The following RPS6KC1 variants were observed in gnomAD, a reference collection of about 807,000 sequenced individuals.
RPS6KC1 encodes the protein inactive ribosomal protein S6 kinase delta-1.
Under a neutral mutation model 103.8 loss-of-function variants are expected in RPS6KC1, and 54 were observed. The observed-to-expected ratio is 0.52, with a 90% confidence interval of 0.42 to 0.65. The LOEUF (loss-of-function observed/expected upper bound fraction) is 0.65, where lower values mean the gene tolerates loss of function less well. RPS6KC1 is among the 30% of genes least tolerant of loss of function. The probability of loss-of-function intolerance (pLI) is 0.00; values close to 1 mark genes in which losing one functional copy is unlikely to be tolerated. For missense variants in RPS6KC1, 1,151 were observed against 1,253.8 expected (o/e 0.92, Z 1.24); for synonymous variants, 439 against 438.7 (o/e 1.00, Z -0.01).
the RPS6KC1 span, among the ~76,000 whole-genome samples, chr1:213,383,698 T>C: frequency 6.6e-6 from 1 of 152,074 alleles, no homozygotes; most frequent in African/African-American, 2.4e-5. Context: ...ATGGTATTAG[T>C]GTCCCTATAA....
the RPS6KC1 span, among the ~76,000 whole-genome samples, chr1:213,834,687 C>T: frequency 6.6e-6 from 1 of 150,490 alleles, no homozygotes; most frequent in South Asian, 2.1e-4. Context: ...TAGAGCCCTT[C>T]TCAAACACAC....
chr1:213,604,252 T>A, the RPS6KC1 span, among the ~76,000 whole-genome samples: 11 of 152,248 alleles, frequency 7.2e-5, no homozygotes, highest in Non-Finnish European at 1.5e-5. Flanking sequence ...TTTTACAAAT[T>A]AGGTTGCAAC....
At chr1:213,523,848 C>T in the RPS6KC1 span, among the ~76,000 whole-genome samples, 12 of 152,126 alleles carry the variant, frequency 7.9e-5, no homozygotes, top group African/African-American at 2.9e-4. Context: ...GATGAAAGGG[C>T]CTTGGTTGGA....
At chr1:213,101,259 G>T (rs376093073) in intron 3 of RPS6KC1, among the ~76,000 whole-genome samples, 4 of 152,080 alleles carry the variant, frequency 2.6e-5, no homozygotes, top group East Asian at 1.9e-4. Flanking sequence ...CATGTCCTTT[G>T]CCCACTTAAT....
chr1:213,081,856 T>C (rs1206091772), intron 3 of RPS6KC1, among the ~76,000 whole-genome samples: 1 of 152,024 alleles, frequency 6.6e-6, no homozygotes, highest in African/African-American at 2.4e-5. Context: ...CAGTTGAACT[T>C]TGAGATGACT....
intron 6 of RPS6KC1, among the ~76,000 whole-genome samples, chr1:213,158,885 T>C (rs61834123): frequency 0.034 from 5,120 of 152,236 alleles, 116 homozygotes; most frequent in Middle Eastern, 0.054. Flanking sequence ...CATAGAACTT[T>C]AGAGATTACT....
the RPS6KC1 span, among the ~76,000 whole-genome samples, chr1:213,541,439 T>C: frequency 6.6e-6 from 1 of 151,948 alleles, no homozygotes; most frequent in Non-Finnish European, 1.5e-5. Flanking sequence ...ACTTGCCCAA[T>C]GCAGGGTTGC....
chr1:213,791,456 C>T, the RPS6KC1 span, among the ~76,000 whole-genome samples: 1 of 152,032 alleles, frequency 6.6e-6, no homozygotes, highest in Non-Finnish European at 1.5e-5. Flanking sequence ...TTGTTAATAC[C>T]TGTGCTAGGT....
the RPS6KC1 span, among the ~76,000 whole-genome samples, chr1:213,326,687 C>T: frequency 1.4e-4 from 21 of 152,310 alleles, no homozygotes; most frequent in South Asian, 1.2e-3. Flanking sequence ...GGCTCGGATT[C>T]ATTAGAATCA....
At chr1:213,523,447 G>C in the RPS6KC1 span, among the ~76,000 whole-genome samples, 1 of 152,186 alleles carries the variant, frequency 6.6e-6, no homozygotes, top group Non-Finnish European at 1.5e-5. Flanking sequence ...GGTTGCCACA[G>C]ACCTTCACTT....
At chr1:213,168,094 A>T in intron 7 of RPS6KC1, 121 bp downstream of exon 7, 2 of 576,168 alleles carry the variant, frequency 3.5e-6, no homozygotes, top group Non-Finnish European at 5.9e-6. Context: ...AATGATTTTC[A>T]TAAAGGTTGT....
chr1:213,752,056 T>A, the RPS6KC1 span, among the ~76,000 whole-genome samples: 1 of 152,188 alleles, frequency 6.6e-6, no homozygotes, highest in Admixed American at 6.5e-5. Context: ...TTGTGAGTTT[T>A]AAGATAAAAT....
At chr1:213,778,622 T>C in the RPS6KC1 span, among the ~76,000 whole-genome samples, 2 of 152,090 alleles carry the variant, frequency 1.3e-5, no homozygotes, top group Non-Finnish European at 1.5e-5. Flanking sequence ...AACTTCTTCA[T>C]TGTCTGTGAA....
chr1:213,748,086 G>A, the RPS6KC1 span, among the ~76,000 whole-genome samples: 3,209 of 152,250 alleles, frequency 0.021, 120 homozygotes, highest in African/African-American at 0.073. Context: ...TTACAGCTTA[G>A]TAGAATAGCC....
At chr1:213,433,402 A>T in the RPS6KC1 span, among the ~76,000 whole-genome samples, 1 of 152,224 alleles carries the variant, frequency 6.6e-6, no homozygotes, top group African/African-American at 2.4e-5. Context: ...AAATATTCAC[A>T]GCTTCCAGGG....
chr1:213,556,418 G>T, the RPS6KC1 span, among the ~76,000 whole-genome samples: 1 of 152,208 alleles, frequency 6.6e-6, no homozygotes, highest in South Asian at 2.1e-4. Context: ...TACAGCATTA[G>T]TCTCTTTGCA....
At chr1:213,177,417 G>T (rs1382768758) in intron 8 of RPS6KC1, among the ~76,000 whole-genome samples, 1 of 152,074 alleles carries the variant, frequency 6.6e-6, no homozygotes, top group African/African-American at 2.4e-5. Context: ...TACATTATTT[G>T]TGAAGTATGC....
At chr1:213,622,690 TC>T in the RPS6KC1 span, among the ~76,000 whole-genome samples, 2 of 152,088 alleles carry the variant, frequency 1.3e-5, no homozygotes, top group Non-Finnish European at 2.9e-5. Flanking sequence ...AGGCACTTGA[TC>T]CTGTGGGGGT....
the RPS6KC1 span, among the ~76,000 whole-genome samples, chr1:213,317,657 ATAAGT>A: frequency 6.6e-6 from 1 of 152,216 alleles, no homozygotes; most frequent in Non-Finnish European, 1.5e-5. Flanking sequence ...GCCATATTAA[ATAAGT>A]TCAGTTCTTT....
Sources: allele counts gnomAD v4.1 joint callset (sites outside exome capture counted in the v4.1 genomes callset), GRCh38; gene constraint gnomAD v4.1.1; transcripts MANE v1.5; gene names NCBI Gene and HGNC (gene_info 2026-07-23, HGNC 2026-07-21).